COL4A4: variants seen among roughly 807,000 people sequenced by gnomAD.
The protein encoded by COL4A4 is collagen alpha-4(IV) chain.
In COL4A4, 105 loss-of-function variants were observed where a neutral mutation model predicts 192.9. The observed-to-expected ratio is 0.54, with a 90% confidence interval of 0.46 to 0.64. The LOEUF is 0.64. COL4A4 is among the 30% of genes least tolerant of loss of function. COL4A4 has a pLI of 0.00. For synonymous variants in COL4A4, 762 were observed against 769.9 expected (o/e 0.99, Z 0.17); for missense variants, 1,967 against 2,169.3 (o/e 0.91, Z 1.85).
At chr2:227,099,734 A>G (rs760895508) in intron 17 of COL4A4, 45 bp from the exon 18 acceptor site, 3 of 1,544,638 alleles carry the variant, frequency 1.9e-6, no homozygotes, top group Non-Finnish European at 2.7e-6. Flanking sequence ...TATTAATTTT[A>G]CTCATGTTGC....
intron 4 of COL4A4, among the ~76,000 whole-genome samples, chr2:227,130,944 C>T (rs371784665): frequency 7.2e-5 from 11 of 152,216 alleles, no homozygotes; most frequent in African/African-American, 2.4e-4. Context: ...TCCACACTCA[C>T]CCCCTCGCTA....
intron 4 of COL4A4, among the ~76,000 whole-genome samples, chr2:227,127,439 A>G (rs2125112625): frequency 1.3e-5 from 2 of 152,382 alleles, no homozygotes; most frequent in Middle Eastern, 6.8e-3. Context: ...AGATGAGAGC[A>G]GACACAGAAC....
the COL4A4 span, among the ~76,000 whole-genome samples, chr2:226,995,271 T>G: frequency 6.6e-6 from 1 of 152,354 alleles, no homozygotes; most frequent in South Asian, 2.1e-4. Flanking sequence ...CGTTGAAATT[T>G]AGTACTGACA....
At chr2:227,037,341 T>C (rs1417999547) in intron 37 of COL4A4, among the ~76,000 whole-genome samples, 3 of 152,140 alleles carry the variant, frequency 2.0e-5, no homozygotes, top group Admixed American at 2.0e-4. Context: ...TGGTGTTTGG[T>C]TTTCTGTTCC....
chr2:227,126,113 T>A (rs1390144042), intron 4 of COL4A4, among the ~76,000 whole-genome samples: 1 of 152,096 alleles, frequency 6.6e-6, no homozygotes, highest in Non-Finnish European at 1.5e-5. Context: ...AAATTAAAAA[T>A]TTTAAAATAC....
chr2:227,045,844 A>T (rs1420481328), intron 35 of COL4A4, among the ~76,000 whole-genome samples: 1,033 of 63,260 alleles, frequency 0.016, 67 homozygotes, highest in South Asian at 0.032. Flanking sequence ...ACACATATAT[A>T]TATACACATA....
chr2:227,087,023 A>T (rs756752522), intron 22 of COL4A4, among the ~76,000 whole-genome samples: 27 of 152,162 alleles, frequency 1.8e-4, no homozygotes, highest in Non-Finnish European at 3.5e-4. Flanking sequence ...AATGGAAAAA[A>T]GTCCTTTGGG....
In COL4A4 at chr2:227,118,762, C is replaced by T; in HGVS notation, c.373-1G>A. ...TGGGTCCAGGAGGCCCTGGGTGCCCCTGCAGAAAACAAAATTATAAGTGAA... is the reference window on the plus strand; with the variant it reads ...TGGGTCCAGGAGGCCCTGGGTGCCCTTGCAGAAAACAAAATTATAAGTGAA... On this transcript the variant is annotated splice_acceptor_variant, in intron 6 of 47. Coordinates refer to ENST00000396625, the MANE Select transcript of COL4A4 (RefSeq NM_000092.5). LOFTEE classifies it high-confidence loss of function. The T allele has an allele frequency of 6.2e-7, 1 of 1,606,924 alleles. No homozygotes were observed. Among genetic ancestry groups the T allele is most frequent in the Non-Finnish European group, 8.5e-7 (1 of 1,174,480 alleles).
At chr2:227,008,861 T>C (rs1414761748) in intron 46 of COL4A4, among the ~76,000 whole-genome samples, 1 of 152,186 alleles carries the variant, frequency 6.6e-6, no homozygotes, top group Non-Finnish European at 1.5e-5. Flanking sequence ...GCACTGTCTG[T>C]CTCAGGAGTG....
At chr2:226,988,048 A>G in the COL4A4 span, among the ~76,000 whole-genome samples, 4 of 152,188 alleles carry the variant, frequency 2.6e-5, no homozygotes, top group African/African-American at 9.6e-5. Flanking sequence ...TTCTCTTAGG[A>G]TGAAAGTCAT....
chr2:227,091,629 C>T (rs1033148414), intron 20 of COL4A4, among the ~76,000 whole-genome samples: 4 of 152,026 alleles, frequency 2.6e-5, no homozygotes, highest in Non-Finnish European at 5.9e-5. Context: ...CACGGTGGCT[C>T]ACATCTACAA....
intron 2 of COL4A4, among the ~76,000 whole-genome samples, chr2:227,145,142 T>C (rs2063464826): frequency 6.6e-6 from 1 of 152,126 alleles, no homozygotes; most frequent in South Asian, 2.1e-4. Flanking sequence ...AGAGGACATA[T>C]GCAATTTTAA....
At chr2:226,982,984 G>A in the COL4A4 span, among the ~76,000 whole-genome samples, 1 of 152,264 alleles carries the variant, frequency 6.6e-6, no homozygotes, top group African/African-American at 2.4e-5. Flanking sequence ...CCAAGGTTGA[G>A]CATAGCATAA....
intron 44 of COL4A4, among the ~76,000 whole-genome samples, chr2:227,014,775 A>G (rs562141355): frequency 5.5e-4 from 84 of 151,904 alleles, no homozygotes; most frequent in Non-Finnish European, 7.5e-4. Flanking sequence ...GAGTGGCACA[A>G]TCTCGGCTCA....
chr2:227,100,962 G>A lies in COL4A4; in HGVS notation c.1029+542C>T, dbSNP rs186127459. On this transcript the variant is annotated intron_variant, in intron 17 of 47. Transcript: ENST00000396625. ...TGGGACTACAGGCGCCCACCACCAC[G>A]CCTGGCTAATTTTGTTTTTGTATTT... is the stretch of plus-strand genomic sequence containing the variant. Among the ~76,000 whole-genome samples, 1,176 of 151,964 alleles carry A rather than the reference G, an allele frequency of 7.7e-3. 8 individuals are homozygous for A. The highest frequency in any genetic ancestry group is 0.026 in the African/African-American group (1,082 of 41,464).
the COL4A4 span, among the ~76,000 whole-genome samples, chr2:226,975,952 C>T: frequency 3.2e-4 from 48 of 152,112 alleles, no homozygotes; most frequent in Non-Finnish European, 5.9e-4. Flanking sequence ...TGTTCTGTAT[C>T]TAGATCTGGG....
chr2:227,054,698 T>C lies in COL4A4; in HGVS notation c.2756A>G (p.Glu919Gly), dbSNP rs753208968. The stretch of plus-strand genomic sequence containing the variant: ...TCCCTCTGCACCAGGCTTTCCTCTT[T>C]CTCCGGGAAAACCTGGGAAACCAGG... ...GLPGFPGFPG[E>G]RGKPGAEGCP... Residue 919 changes from glutamate (E) to glycine (G), a missense_variant, in exon 31 of 48, where the codon GAA (glutamate) becomes GGA (glycine). Glu to Gly is a moderately conservative substitution (Grantham distance 98, BLOSUM62 -2). Coordinates refer to ENST00000396625, the MANE Select transcript of COL4A4 (RefSeq NM_000092.5). 3.3e-5 allele frequency: 54 copies of C among 1,614,020 alleles called. No individual in the cohort carries two copies. The highest frequency in any genetic ancestry group is 4.1e-5 in the Non-Finnish European group (48 of 1,180,026).
chr2:227,069,365 C>G (rs200310516), intron 25 of COL4A4, among the ~76,000 whole-genome samples: 1 of 152,214 alleles, frequency 6.6e-6, no homozygotes, highest in African/African-American at 2.4e-5. Flanking sequence ...TGGAAAAAAA[C>G]TACTTTAAAG....
chr2:227,060,101 G>GAAACAAAAAAA (rs1976529633), intron 27 of COL4A4, 35 bp downstream of exon 27: 2 of 505,772 alleles, frequency 4.0e-6, no homozygotes, highest in Admixed American at 4.3e-5. Context: ...TCCCAAAGCA[G>GAAACAAAAAAA]AAAAAAAAAA....
Sources: gnomAD v4.1 joint callset for allele counts (sites outside exome capture counted in the v4.1 genomes callset) on GRCh38, gnomAD v4.1.1 for gene constraint, MANE v1.5 for transcripts, NCBI Gene and HGNC (gene_info 2026-07-23, HGNC 2026-07-21) for gene names.